Variants in MADD observed in about 807,000 individuals in gnomAD.
The protein encoded by MADD is MAP kinase-activating death domain protein.
In MADD, 109 loss-of-function variants were observed where a neutral mutation model predicts 176.7. The ratio of observed to expected loss-of-function variants is 0.62; its 90% CI spans 0.53 to 0.72. The LOEUF is 0.72. Among genes scored for constraint, MADD ranks in the 30% least tolerant of loss-of-function variants. The pLI, the probability that MADD is intolerant of heterozygous loss-of-function variation, is 0.00. For missense variants in MADD, 1,914 were observed against 2,045.5 expected (o/e 0.94, Z 1.24); for synonymous variants, 771 against 771.3 (o/e 1.00, Z 0.01).
At chr11:47,284,097 T>C in intron 10 of MADD, 81 bp from the exon 11 acceptor site, 1 of 953,298 alleles carries the variant, frequency 1.0e-6, no homozygotes, top group Non-Finnish European at 1.7e-6. Flanking sequence ...TGCTCCCCCT[T>C]TTATTTTTCC....
At position 47,324,254 on chromosome 11, in the gene MADD, C is replaced by G. The variant is rs1555108393; in HGVS notation, c.4363-11C>G. ...CCCTCATGATGGGACCACTCTCCCC[C>G]TGTGCCACAGTGTCGGGAGCTGTAC... On this transcript the variant is annotated splice_polypyrimidine_tract_variant and intron_variant, in intron 28 of 32. Coordinates refer to ENST00000402192, the Ensembl canonical transcript of MADD. The G allele has an allele frequency of 1.2e-6, 2 of 1,613,594 alleles. No homozygotes were observed. The highest frequency in any genetic ancestry group is 1.7e-6 in the Non-Finnish European group (2 of 1,179,528).
chr11:47,302,068 C>T (rs1466295921), intron 22 of MADD, among the ~76,000 whole-genome samples: 2 of 152,112 alleles, frequency 1.3e-5, no homozygotes, highest in Non-Finnish European at 2.9e-5. Context: ...TTGAAGTCCC[C>T]AACTGTTATT....
chr11:47,282,875 A>T (rs1328559052), exon 10 of MADD: 3 of 1,614,078 alleles, frequency 1.9e-6, no homozygotes, highest in East Asian at 4.5e-5. Context: ...GCTGCAGCCT[A>T]TCCACTATCG....
chr11:47,307,555 A>G (rs910836372), intron 22 of MADD, among the ~76,000 whole-genome samples: 2 of 152,194 alleles, frequency 1.3e-5, no homozygotes, highest in African/African-American at 4.8e-5. Context: ...GGTCTTACCC[A>G]ATAACCTTTG....
At chr11:47,285,006 C>T (rs148069895) in exon 13 of MADD, 21 of 1,614,132 alleles carry the variant, frequency 1.3e-5, no homozygotes, top group African/African-American at 8.0e-5. Context: ...CCCTCCCTTC[C>T]GTGCCTCCCA....
chr11:47,274,056 A>G (rs2047458600), intron 2 of MADD, 80 bp downstream of exon 2: 2 of 1,332,678 alleles, frequency 1.5e-6, no homozygotes, highest in Admixed American at 1.8e-5. Context: ...TCCGATTTCC[A>G]TGTTGCTTTG....
At chr11:47,299,168 A>G (rs569195995) in intron 22 of MADD, among the ~76,000 whole-genome samples, 129 of 152,218 alleles carry the variant, frequency 8.5e-4, no homozygotes, top group Non-Finnish European at 1.5e-3. Flanking sequence ...TTGTGGTTCC[A>G]TATGAATTTT....
At chr11:47,306,716 T>C (rs1220311116) in intron 22 of MADD, among the ~76,000 whole-genome samples, 1 of 152,182 alleles carries the variant, frequency 6.6e-6, no homozygotes, top group Non-Finnish European at 1.5e-5. Flanking sequence ...TCAGCATTCC[T>C]GTCACCCTTC....
intron 16 of MADD, 141 bp downstream of exon 17, chr11:47,289,634 C>T: frequency 1.2e-6 from 1 of 824,326 alleles, no homozygotes; most frequent in Non-Finnish European, 2.0e-6. Context: ...ACTTCTCATT[C>T]TGGCTTGATC....
chr11:47,279,929 G>A (rs915579248), intron 7 of MADD, among the ~76,000 whole-genome samples: 1 of 151,964 alleles, frequency 6.6e-6, no homozygotes, highest in African/African-American at 2.4e-5. Flanking sequence ...AAATTAGCCG[G>A]GCATGGTGGT....
Position 47,296,774 on chromosome 11 carries a change from T to TTTG in MADD, c.3642+721_3642+722insGTT, listed in dbSNP as rs1428397851. Among the ~76,000 whole-genome samples the TTTG allele has an allele frequency of 8.0e-5, 12 of 149,938 alleles. No individual in the cohort carries two copies. The South Asian group carries it at 2.6e-3, about 32-fold the overall frequency. On this transcript the variant is annotated intron_variant, in intron 22 of 32. Transcript: ENST00000402192. The stretch of plus-strand genomic sequence containing the variant: ...CATCTGTTTTTTGTTGTTTTTTTTT[T>TTTG]TTTTTTTTTTTACACAGGGTCTCAC...
exon 3 of MADD, chr11:47,274,697 A>G (rs772301565): frequency 3.1e-6 from 5 of 1,614,222 alleles, no homozygotes; most frequent in African/African-American, 1.3e-5. Context: ...AGCGTGCGGC[A>G]GCGGCGCATG....
intron 20 of MADD, 27 bp downstream of exon 22, chr11:47,294,010 C>T (rs2067865260): frequency 9.0e-6 from 14 of 1,548,700 alleles, no homozygotes; most frequent in African/African-American, 2.7e-5. Context: ...TTGAAATTTG[C>T]AAGTATTAAA....
At chr11:47,292,392 C>T (rs1156451593) in intron 19 of MADD, 151 bp from the exon 21 acceptor site, 4 of 716,296 alleles carry the variant, frequency 5.6e-6, no homozygotes, top group Non-Finnish European at 1.0e-5. Flanking sequence ...GTTTTCTGCC[C>T]CTTCTCCCCA....
chr11:47,295,050 G>T (rs935140807), intron 20 of MADD, among the ~76,000 whole-genome samples: 1 of 148,910 alleles, frequency 6.7e-6, no homozygotes, highest in South Asian at 2.1e-4. Flanking sequence ...TCATTCTGTC[G>T]CTGCAGCTGG....
At chr11:47,304,936 T>C (rs961631229) in intron 22 of MADD, among the ~76,000 whole-genome samples, 1 of 152,086 alleles carries the variant, frequency 6.6e-6, no homozygotes, top group Non-Finnish European at 1.5e-5. Flanking sequence ...AGTGTGCCAG[T>C]TGGGAAGGGT....
intron 10 of MADD, 71 bp downstream of exon 10, chr11:47,283,040 A>G: frequency 6.9e-7 from 1 of 1,456,142 alleles, no homozygotes; most frequent in Non-Finnish European, 9.4e-7. Flanking sequence ...TTTAGCACAG[A>G]GAAGGCAAAG....
chr11:47,321,229 A>G (rs987842319), intron 27 of MADD, among the ~76,000 whole-genome samples: 3 of 152,192 alleles, frequency 2.0e-5, no homozygotes, highest in African/African-American at 7.2e-5. Context: ...TGATGTTCTT[A>G]AAGGATTATG....
In MADD at chr11:47,282,845, C is replaced by T. The variant is rs141358879; in HGVS notation, c.1738C>T (p.Pro580Ser). 1.4e-5 allele frequency: 22 copies of T among 1,614,044 alleles called. No homozygotes were observed. In the African/African-American group the frequency reaches 2.8e-4, roughly 21 times the overall value. Residue 580 changes from proline (P) to serine (S), a missense_variant, in exon 10 of 33, where the codon CCA (proline) becomes TCA (serine). Transcript: ENST00000402192. ...TGATCCAGCCCTGATTGGTGACAAG[C>T]CAAAGTGGTATGCTCATCAGCTGCA...
Sources: allele counts gnomAD v4.1 joint callset (sites outside exome capture counted in the v4.1 genomes callset), GRCh38; gene constraint gnomAD v4.1.1; transcripts MANE v1.5; gene names NCBI Gene and HGNC (gene_info 2026-07-23, HGNC 2026-07-21).